The following REEP6 variants were observed in gnomAD, a reference collection of about 807,000 sequenced individuals.
REEP6 encodes receptor expression-enhancing protein 6.
A neutral mutation model predicts 22.4 loss-of-function variants in REEP6; 19 were observed. The ratio of observed to expected loss-of-function variants is 0.85; its 90% CI spans 0.59 to 1.25. The LOEUF is 1.25. REEP6 is among the 50% of genes most tolerant of loss of function. The pLI, the probability that REEP6 is intolerant of heterozygous loss-of-function variation, is 0.00. For missense variants in REEP6, 273 were observed against 251.9 expected (o/e 1.08, Z -0.57); for synonymous variants, 121 against 113.6 (o/e 1.06, Z -0.41).
chr19:1,494,184 T>G (rs374307481), intron 1 of REEP6, among the ~76,000 whole-genome samples: 1 of 152,298 alleles, frequency 6.6e-6, no homozygotes, highest in East Asian at 1.9e-4. Context: ...AAACTGAGGC[T>G]CCATGCAGCC....
rs117651520 is a variant in REEP6 at position 1,493,789 on chromosome 19, T to G, written c.116-1505T>G. 6.5e-3 allele frequency among the ~76,000 whole-genome samples: 976 copies of G among 149,906 alleles called. 29 individuals are homozygous for G. Among genetic ancestry groups the G allele is most frequent in the Admixed American group, 0.044 (665 of 15,008 alleles). On this transcript the variant is annotated intron_variant, in intron 1 of 4. Transcript: ENST00000233596. The stretch of plus-strand genomic sequence containing the variant: ...TGTGTTATAGTTGCCTGAAGGCACT[T>G]AATAAATGTGCAGAAAGGCTGATGG...
At position 1,491,356 on chromosome 19, in the gene REEP6, C is replaced by CGG. The variant is rs1306789648; in HGVS notation, c.90_91dup (p.Val31GlyfsTer15). The CGG allele has an allele frequency of 2.0e-6, 3 of 1,475,336 alleles. No homozygotes were observed. The highest frequency in any genetic ancestry group is 2.7e-6 in the Non-Finnish European group (3 of 1,114,102). 91.4% of individuals were successfully genotyped at this position (1,475,336 alleles called of 1,614,324 possible). A position where few individuals can be genotyped will look rare whatever the true frequency, so the allele number is the denominator to read the frequency against. On this transcript the variant is annotated frameshift_variant, in exon 1 of 5. Coordinates refer to ENST00000233596, the MANE Select transcript of REEP6 (RefSeq NM_138393.4). LOFTEE classifies it high-confidence loss of function. This position sits in a 1 kb window ranked among gnomAD's most constrained non-coding sequence, Gnocchi z 5.4. ...TGCTGGGGGCGCTGGAGGCCAAGAC[C>CGG]GGGGTGGAGAAGCGGTATCTGGCTG... is the stretch of plus-strand genomic sequence containing the variant.
At position 1,497,141 on chromosome 19, in the gene REEP6, ACGGCCCTCC is replaced by A. The variant is rs2085015539; in HGVS notation, c.518-31_518-23del. On this transcript the variant is annotated intron_variant, in intron 4 of 4. Coordinates refer to ENST00000233596, the MANE Select transcript of REEP6 (RefSeq NM_138393.4). The surrounding 1 kb of genome is among the most constrained non-coding windows in gnomAD (Gnocchi z 6.5). ...GCTCCGGGGAGCCCAGGCCTGCCTC[ACGGCCCTCC>A]CCCACCCGCCCCTCTCTCTGCAGTC... 1 of 1,362,332 alleles carries A rather than the reference ACGGCCCTCC, an allele frequency of 7.3e-7. No homozygotes were observed. The highest frequency in any genetic ancestry group is 2.7e-5 in the Admixed American group (1 of 36,688). 84.4% of individuals were successfully genotyped at this position (1,362,332 alleles called of 1,614,324 possible).
intron 1 of REEP6, among the ~76,000 whole-genome samples, chr19:1,493,708 GACACACAC>G (rs55971424): frequency 5.0e-5 from 7 of 140,666 alleles, no homozygotes; most frequent in African/African-American, 1.1e-4. Context: ...GGCTGAGCTG[GACACACAC>G]ACACACACAC....
chr19:1,495,158 C>G, intron 1 of REEP6, 136 bp from the exon 2 acceptor site: 1 of 746,226 alleles, frequency 1.3e-6, no homozygotes, highest in African/African-American at 1.7e-5. Context: ...ACATCAGGGG[C>G]AGTGGACATA....
Position 1,491,252 on chromosome 19 carries a change from C to G in REEP6, c.-18C>G. 1 of 1,455,500 alleles carries G rather than the reference C, an allele frequency of 6.9e-7. No individual in the cohort carries two copies. Among genetic ancestry groups the G allele is most frequent in the East Asian group, 3.0e-5 (1 of 32,976 alleles). The allele number at this position is 1,455,500 out of a possible 1,614,324, so 90.2% of individuals were successfully genotyped here. On this transcript the variant is annotated 5_prime_UTR_variant, in exon 1 of 5. Coordinates refer to ENST00000233596, the MANE Select transcript of REEP6 (RefSeq NM_138393.4). The surrounding 1 kb of genome is among the most constrained non-coding windows in gnomAD (Gnocchi z 5.4). The stretch of plus-strand genomic sequence containing the variant: ...CCGCGGGCGAGCTCGAGCAGCCAAC[C>G]CCGGGCGCGTCGGGGCCATGGACGG...
chr19:1,497,759 G>A lies in REEP6; in HGVS notation c.*548G>A, dbSNP rs1293010734. ...AACAGCCTGCCAGCAGCGCCTCAGT[G>A]CCCGAGCTGGTCCCCTGCCATTCCG... On this transcript the variant is annotated 3_prime_UTR_variant, in exon 5 of 5. Transcript: ENST00000233596. The surrounding 1 kb of genome is among the most constrained non-coding windows in gnomAD (Gnocchi z 6.5). The A allele has an allele frequency of 2.1e-6, 1 of 470,786 alleles. No homozygotes were observed. The highest frequency in any genetic ancestry group is 2.3e-5 in the Admixed American group (1 of 42,580). 29.2% of individuals were successfully genotyped at this position (470,786 alleles called of 1,614,324 possible).
chr19:1,495,885 A>C (rs2085002565), intron 3 of REEP6: 2 of 570,410 alleles, frequency 3.5e-6, no homozygotes, highest in Admixed American at 6.4e-5. Context: ...GCCCACCCTG[A>C]AGGGTGTCTG....
intron 3 of REEP6, 123 bp downstream of exon 3, chr19:1,495,730 C>A: frequency 7.3e-7 from 1 of 1,372,548 alleles, no homozygotes; most frequent in Non-Finnish European, 1.0e-6. Flanking sequence ...AAGACTCAGT[C>A]CCTTCCCTGG....
At position 1,496,462 on chromosome 19, in the gene REEP6, T is replaced by TCGCAGGCGCC; in HGVS notation, c.517+10_517+19dup. On this transcript the variant is annotated intron_variant, in intron 4 of 4. Transcript: ENST00000233596. ...CGGAATAACCAGGAACGGTGGGTGC[T>TCGCAGGCGCC]CGCAGGCGCCTGGCTGCCTCAGGCC... 1 of 1,607,838 alleles carries TCGCAGGCGCC rather than the reference T, an allele frequency of 6.2e-7. No homozygotes were observed.
chr19:1,497,784 G>A lies in REEP6; in HGVS notation c.*573G>A, dbSNP rs563520908. On this transcript the variant is annotated 3_prime_UTR_variant, in exon 5 of 5. Transcript: ENST00000233596. The surrounding 1 kb of genome is among the most constrained non-coding windows in gnomAD (Gnocchi z 6.5). ...GCCCGAGCTGGTCCCCTGCCATTCC[G>A]GGACCTCTCTGGAGTACACTTCGGA... The A allele has an allele frequency of 9.1e-5, 43 of 470,628 alleles. No homozygotes were observed. Among genetic ancestry groups the A allele is most frequent in the African/African-American group, 6.0e-4 (30 of 50,142 alleles). The allele number at this position is 470,628 out of a possible 1,614,324, so 29.2% of individuals were successfully genotyped here. A position where few individuals can be genotyped will look rare whatever the true frequency, so the allele number is the denominator to read the frequency against.
intron 1 of REEP6, among the ~76,000 whole-genome samples, chr19:1,493,633 C>G (rs542891504): frequency 6.6e-6 from 1 of 151,160 alleles, no homozygotes; most frequent in South Asian, 2.1e-4. Flanking sequence ...AAACCTGGCA[C>G]ACAATAGGCG....
Position 1,491,310 on chromosome 19 carries a change from A to C in REEP6, c.41A>C (p.Gln14Pro). The change falls in exon 1 of 5, where the codon CAA (glutamine) becomes CCA (proline). Residue 14 changes from glutamine (Q) to proline (P), a missense_variant. Coordinates refer to ENST00000233596, the MANE Select transcript of REEP6 (RefSeq NM_138393.4). This position sits in a 1 kb window ranked among gnomAD's most constrained non-coding sequence, Gnocchi z 5.4. ...CAGCGCGTGGAGCACTTCCTGGAGC[A>C]AAGGAACCTGGTCACCGAAGTGCTG... ...LRQRVEHFLE[Q>P]RNLVTEVLGA... 6.8e-7 allele frequency: 1 copy of C among 1,479,762 alleles called. No individual in the cohort carries two copies. Among genetic ancestry groups the C allele is most frequent in the Non-Finnish European group, 9.0e-7 (1 of 1,116,370 alleles). 91.7% of individuals were successfully genotyped at this position (1,479,762 alleles called of 1,614,324 possible).
chr19:1,495,199 G>T, intron 1 of REEP6, 95 bp from the exon 2 acceptor site: 1 of 1,178,254 alleles, frequency 8.5e-7, no homozygotes, highest in Non-Finnish European at 1.3e-6. Context: ...AGGAGGTGAC[G>T]GTTGCAGTCT....
Position 1,491,245 on chromosome 19 carries a change from A to G in REEP6, c.-25A>G, listed in dbSNP as rs369454346. ...CCCTGGTCCGCGGGCGAGCTCGAGCAGCCAACCCCGGGCGCGTCGGGGCCA... is the reference window on the plus strand; with the variant it reads ...CCCTGGTCCGCGGGCGAGCTCGAGCGGCCAACCCCGGGCGCGTCGGGGCCA... On this transcript the variant is annotated 5_prime_UTR_variant, in exon 1 of 5. Coordinates refer to ENST00000233596, the MANE Select transcript of REEP6 (RefSeq NM_138393.4). The surrounding 1 kb of genome is among the most constrained non-coding windows in gnomAD (Gnocchi z 5.4). The G allele has an allele frequency of 4.8e-5, 69 of 1,444,230 alleles. No homozygotes were observed. The Middle Eastern group carries it at 9.7e-4, about 20-fold the overall frequency. 89.5% of individuals were successfully genotyped at this position (1,444,230 alleles called of 1,614,324 possible).
In REEP6 at chr19:1,496,184, G is replaced by A. The variant is rs1305459671; in HGVS notation, c.349-101G>A. 7.9e-6 allele frequency: 11 copies of A among 1,385,072 alleles called. No individual in the cohort carries two copies. In the African/African-American group the frequency reaches 1.2e-4, roughly 14 times the overall value. 85.8% of individuals were successfully genotyped at this position (1,385,072 alleles called of 1,614,324 possible). A position where few individuals can be genotyped will look rare whatever the true frequency, so the allele number is the denominator to read the frequency against. On this transcript the variant is annotated intron_variant, in intron 3 of 4. Transcript: ENST00000233596. ...GGGTGTCTGATGGTGGAGACCCAGT[G>A]CCTGTCCAGGATGGGCATCTGGTGG...
intron 1 of REEP6, among the ~76,000 whole-genome samples, chr19:1,494,245 T>G (rs926952976): frequency 1.3e-5 from 2 of 152,076 alleles, no homozygotes; most frequent in African/African-American, 4.8e-5. Flanking sequence ...CAAAGGGCTC[T>G]CCTCCACCCA....
At position 1,497,144 on chromosome 19, in the gene REEP6, G is replaced by GTCCTCCCCC; in HGVS notation, c.518-30_518-29insTCCTCCCCC. 3.0e-6 allele frequency: 4 copies of GTCCTCCCCC among 1,328,124 alleles called. No individual in the cohort carries two copies. The highest frequency in any genetic ancestry group is 1.6e-5 in the South Asian group (1 of 63,934). The allele number at this position is 1,328,124 out of a possible 1,614,324, so 82.3% of individuals were successfully genotyped here. A position where few individuals can be genotyped will look rare whatever the true frequency, so the allele number is the denominator to read the frequency against. ...CCGGGGAGCCCAGGCCTGCCTCACG[G>GTCCTCCCCC]CCCTCCCCCACCCGCCCCTCTCTCT... On this transcript the variant is annotated intron_variant, in intron 4 of 4. Transcript: ENST00000233596. This position sits in a 1 kb window ranked among gnomAD's most constrained non-coding sequence, Gnocchi z 6.5.
At chr19:1,495,131 A>G (rs1695965910) in intron 1 of REEP6, among the ~76,000 whole-genome samples, 163 bp from the exon 2 acceptor site, 4 of 152,176 alleles carry the variant, frequency 2.6e-5, no homozygotes, top group Admixed American at 1.3e-4. Flanking sequence ...TAGAGGCACG[A>G]TGGGGGATGT....
Sources: allele counts gnomAD v4.1 joint callset (sites outside exome capture counted in the v4.1 genomes callset), GRCh38; gene constraint gnomAD v4.1.1; non-coding constraint Gnocchi (gnomAD v3.1); transcripts MANE v1.5; gene names NCBI Gene and HGNC (gene_info 2026-07-23, HGNC 2026-07-21).